Variants in LAMA1 observed in about 807,000 individuals in gnomAD.
The protein encoded by LAMA1 is laminin subunit alpha 1.
A neutral mutation model predicts 348.7 loss-of-function variants in LAMA1; 219 were observed. The observed-to-expected ratio is 0.63, with a 90% CI of 0.56 to 0.70. The LOEUF (loss-of-function observed/expected upper bound fraction) is 0.70. LAMA1 is among the 30% of genes least tolerant of loss of function. LAMA1 has a pLI of 0.00. For missense variants in LAMA1, 3,744 were observed against 3,888.0 expected, an observed-to-expected ratio of 0.96 and a Z score of 0.99; for synonymous variants, 1,487 against 1,491.0, an observed-to-expected ratio of 1.00 and a Z score of 0.06.
intron 56 of LAMA1, 133 bp downstream of exon 56, chr18:6,956,503 G>A (rs1024431506): frequency 2.1e-6 from 3 of 1,436,650 alleles, no homozygotes; most frequent in Non-Finnish European, 2.9e-6. Context: ...CTGATTTTTA[G>A]CACAGCTCCA....
At chr18:7,098,309 C>T (rs1201315358) in intron 1 of LAMA1, among the ~76,000 whole-genome samples, 52 of 151,646 alleles carry the variant, frequency 3.4e-4, no homozygotes, top group Non-Finnish European at 1.5e-5. Context: ...CCTGGCCGCC[C>T]ATCGTCTGGG....
intron 46 of LAMA1, among the ~76,000 whole-genome samples, chr18:6,973,806 G>A (rs1292247159): frequency 6.6e-6 from 1 of 152,112 alleles, no homozygotes; most frequent in Non-Finnish European, 1.5e-5. Context: ...TTAGAGGCAG[G>A]GTCTTGCTCT....
rs751852609 is a variant in LAMA1, at chr18:6,983,235, C to T, written c.5661-1G>A. 1 of 1,614,168 alleles carries T rather than the reference C, an allele frequency of 6.2e-7. No individual in the cohort carries two copies. Among genetic ancestry groups the T allele is most frequent in the South Asian group, 1.1e-5 (1 of 91,078 alleles). ...CACATTTCTGATGTTTTCAAGGCCA[C>T]TATCAAAGCAGCATATTTAGATACG... On this transcript the variant is annotated splice_acceptor_variant, in intron 39 of 62. Transcript: ENST00000389658. LOFTEE classifies it high-confidence loss of function.
In LAMA1 at chr18:6,949,142, C is replaced by A. The variant is rs577860518; in HGVS notation, c.8515G>T (p.Gly2839Ter). 6.2e-7 allele frequency: 1 copy of A among 1,614,134 alleles called. No individual in the cohort carries two copies. Among genetic ancestry groups the A allele is most frequent in the Non-Finnish European group, 8.5e-7 (1 of 1,179,980 alleles). The change falls in exon 59 of 63, where the codon GGA becomes TGA. Residue 2839 changes from glycine to a stop codon, truncating the protein, a stop_gained. Transcript: ENST00000389658. LOFTEE classifies it high-confidence loss of function. ...GCCTGGTACTGGGAGGGCAGGCCTC[C>A]TAGGTAGAACAAACCCTCCACATCC... ...MLDVEGLFYL[G>*]GLPSQYQARK... is the part of the protein sequence containing the mutation.
intron 56 of LAMA1, chr18:6,956,261 A>ATT: frequency 2.9e-6 from 1 of 349,198 alleles, no homozygotes; most frequent in Admixed American, 4.1e-5. Context: ...AATGAATTGA[A>ATT]TCTTTTTTTT....
Position 7,097,282 on chromosome 18 carries a change from T to TA in LAMA1, c.62-16826dup, listed in dbSNP as rs941757912. Among the ~76,000 whole-genome samples, 742 of 136,674 alleles carry TA rather than the reference T, an allele frequency of 5.4e-3. 7 individuals carry two copies. The highest frequency in any genetic ancestry group is 0.022 in the South Asian group (94 of 4,296). The allele number at this position is 136,674 out of a possible 152,430, so 89.7% of individuals were successfully genotyped here. On this transcript the variant is annotated intron_variant, in intron 1 of 62. Transcript: ENST00000389658. ...CAAAATACTTGAACAAAAAAAATAA[T>TA]AAAAAAAAAAGAATGAAAGAAATTC...
chr18:7,013,950 C>A lies in LAMA1; in HGVS notation c.3228G>T (p.Gln1076His). Residue 1076 changes from glutamine (Q) to histidine (H), a missense_variant, in exon 23 of 63, where the codon CAG becomes CAT. Transcript: ENST00000389658. ...KSKFGGRACD[Q>H]CSLGYRDFPD... ...GAAAGTCTCTGTAACCCAAGGAACACTGATCGCAGGCCCGGCCACCAAATT... is the reference window on the plus strand; with the variant it reads ...GAAAGTCTCTGTAACCCAAGGAACAATGATCGCAGGCCCGGCCACCAAATT... 1 of 1,613,994 alleles carries A rather than the reference C, an allele frequency of 6.2e-7. No individual in the cohort carries two copies. The highest frequency in any genetic ancestry group is 1.1e-5 in the South Asian group (1 of 91,028).
intron 14 of LAMA1, among the ~76,000 whole-genome samples, 168 bp from the exon 15 acceptor site, chr18:7,033,263 G>A (rs192191049): frequency 2.6e-5 from 4 of 152,186 alleles, no homozygotes; most frequent in African/African-American, 7.2e-5. Context: ...TCAAGAGATC[G>A]AGACCATCCT....
intron 3 of LAMA1, among the ~76,000 whole-genome samples, chr18:7,057,466 CTTTTCTTT>C (rs1188764291): frequency 1.8e-4 from 22 of 125,570 alleles, no homozygotes; most frequent in African/African-American, 2.5e-4. Flanking sequence ...CTTTTCTTTT[CTTTTCTTT>C]TTTTTTTTTT....
rs142217818 is a variant in LAMA1 at position 6,999,517 on chromosome 18, T to C, written c.4591A>G (p.Arg1531Gly). 8.7e-6 allele frequency: 14 copies of C among 1,613,976 alleles called. No homozygotes were observed. Among genetic ancestry groups the C allele is most frequent in the Admixed American group, 3.3e-5 (2 of 59,994 alleles). The change falls in exon 32 of 63, where the codon AGG becomes GGG. Residue 1531 changes from arginine (R) to glycine (G), a missense_variant. Arg to Gly is a moderately radical substitution (Grantham distance 125, BLOSUM62 -2). This residue lies in a region of LAMA1 where 1,983 missense variants were observed against 1,934.3 expected (regional missense o/e 1.03). Coordinates refer to ENST00000389658, the MANE Select transcript of LAMA1 (RefSeq NM_005559.4). ...CDRTSGQCVCRLGASGLRCDE... is the reference protein window; with the variant it reads ...CDRTSGQCVCGLGASGLRCDE... ...CACCGGAGCCCCGAGGCCCCCAGCC[T>C]GCAAACGCACTGCCCAGATGTGCGG...
chr18:7,089,501 G>T (rs1209341663), intron 1 of LAMA1, among the ~76,000 whole-genome samples: 2 of 152,220 alleles, frequency 1.3e-5, no homozygotes, highest in African/African-American at 4.8e-5. Context: ...GAACAAGGCA[G>T]CCAGGAGGCC....
Position 7,007,278 on chromosome 18 carries a change from T to C in LAMA1, c.4123-2A>G. ...TCTGTGGTACCCAGGGGCGCAGTCC[T>C]GAGGGGGTGCAAAAGGGAGGACAAA... On this transcript the variant is annotated splice_acceptor_variant, in intron 28 of 62. Coordinates refer to ENST00000389658, the MANE Select transcript of LAMA1 (RefSeq NM_005559.4). LOFTEE classifies it high-confidence loss of function. 1.1e-5 allele frequency: 17 copies of C among 1,613,208 alleles called. No homozygotes were observed. Among genetic ancestry groups the C allele is most frequent in the Non-Finnish European group, 1.4e-5 (17 of 1,179,480 alleles).
chr18:7,073,182 C>T (rs1394084073), intron 3 of LAMA1, among the ~76,000 whole-genome samples: 1 of 152,172 alleles, frequency 6.6e-6, no homozygotes, highest in Non-Finnish European at 1.5e-5. Flanking sequence ...GGTGTGGCTT[C>T]CATATTCCTG....
At chr18:6,959,527 A>T (rs1314552518) in intron 53 of LAMA1, 35 bp from the exon 54 acceptor site, 1 of 1,611,902 alleles carries the variant, frequency 6.2e-7, no homozygotes, top group South Asian at 1.1e-5. Flanking sequence ...CCCAGACAAA[A>T]CACATTACTA....
intron 3 of LAMA1, among the ~76,000 whole-genome samples, chr18:7,067,124 G>A (rs1486936543): frequency 6.6e-6 from 1 of 152,186 alleles, no homozygotes; most frequent in Non-Finnish European, 1.5e-5. Flanking sequence ...CCAGTGAACA[G>A]CTAGAACTCT....
intron 35 of LAMA1, among the ~76,000 whole-genome samples, chr18:6,993,336 C>T (rs2057766709): frequency 6.6e-6 from 1 of 152,136 alleles, no homozygotes; most frequent in East Asian, 1.9e-4. Context: ...ATCCTGTCAG[C>T]TCCTATTCTG....
Position 7,017,315 on chromosome 18 carries a change from T to A in LAMA1, c.2771A>T (p.Lys924Ile). ...CHLETGLCDC[K>I]PNVTGQQCDQ... ...ACACTGCTGTCCAGTCACGTTTGGTTTGCAGTCACAGAGCCCGGTCTCAAG... is the reference window on the plus strand; with the variant it reads ...ACACTGCTGTCCAGTCACGTTTGGTATGCAGTCACAGAGCCCGGTCTCAAG... Residue 924 changes from lysine (K) to isoleucine (I), a missense_variant, in exon 20 of 63, where the codon AAA (lysine) becomes ATA (isoleucine). Coordinates refer to ENST00000389658, the MANE Select transcript of LAMA1 (RefSeq NM_005559.4). The A allele has an allele frequency of 1.9e-6, 3 of 1,614,036 alleles. No individual in the cohort carries two copies. Among genetic ancestry groups the A allele is most frequent in the Non-Finnish European group, 2.5e-6 (3 of 1,179,998 alleles).
intron 24 of LAMA1, 61 bp downstream of exon 24, chr18:7,011,934 C>G: frequency 2.6e-6 from 4 of 1,543,884 alleles, no homozygotes; most frequent in Non-Finnish European, 3.5e-6. Flanking sequence ...GTTTCCCACC[C>G]CCACCCACCT....
chr18:7,043,746 T>A lies in LAMA1; in HGVS notation c.977-341A>T, dbSNP rs539355781. Among the ~76,000 whole-genome samples, 35 of 151,948 alleles carry A rather than the reference T, an allele frequency of 2.3e-4. No homozygotes were observed. The South Asian group carries it at 6.4e-3, about 28-fold the overall frequency. On this transcript the variant is annotated intron_variant, in intron 7 of 62. Transcript: ENST00000389658. Reference sequence around the variant, plus strand: ...AACCATCAAAATAACCGCCGATAGGTGGTTGTTTAATAAATTATACTACAT... The same window carrying A: ...AACCATCAAAATAACCGCCGATAGGAGGTTGTTTAATAAATTATACTACAT...
Sources: allele counts gnomAD v4.1 joint callset (sites outside exome capture counted in the v4.1 genomes callset), GRCh38; gene constraint gnomAD v4.1.1; regional missense constraint gnomAD v4.1.1; transcripts MANE v1.5; gene names NCBI Gene and HGNC (gene_info 2026-07-23, HGNC 2026-07-21).